Variants in EML5 observed in about 807,000 individuals in gnomAD.
The protein encoded by EML5 is echinoderm microtubule-associated protein-like 5.
EML5 carries 120 observed loss-of-function variants against 250.0 expected under a neutral mutation model. The ratio of observed to expected loss-of-function variants is 0.48; its 90% CI spans 0.41 to 0.56. EML5 has a LOEUF of 0.56. Ranked by LOEUF, EML5 falls within the 20% of genes least tolerant of loss-of-function variation. The pLI, the probability that EML5 is intolerant of heterozygous loss-of-function variation, is 0.00. For synonymous variants in EML5, 771 were observed against 806.5 expected, an observed-to-expected ratio of 0.96 and a Z score of 0.75; for missense variants, 2,006 against 2,437.6, an observed-to-expected ratio of 0.82 and a Z score of 3.73.
chr14:88,645,591 T>C (rs1372369526), intron 29 of EML5, among the ~76,000 whole-genome samples: 1 of 152,198 alleles, frequency 6.6e-6, no homozygotes, highest in Non-Finnish European at 1.5e-5. Flanking sequence ...CACATCCGAG[T>C]TCAAATTTGT....
intron 34 of EML5, chr14:88,627,282 T>C: frequency 1.8e-6 from 1 of 549,772 alleles, no homozygotes; most frequent in Non-Finnish European, 3.2e-6. Context: ...GTCTAAAGTG[T>C]GGTAGGTAAT....
intron 1 of EML5, among the ~76,000 whole-genome samples, chr14:88,770,097 C>T (rs987225923): frequency 2.6e-5 from 4 of 151,956 alleles, no homozygotes; most frequent in South Asian, 2.1e-4. Flanking sequence ...GTGAAACGGC[C>T]GCTGAAATTT....
intron 9 of EML5, 36 bp from the exon 10 acceptor site, chr14:88,712,519 T>C: frequency 6.5e-7 from 1 of 1,536,016 alleles, no homozygotes; most frequent in Non-Finnish European, 8.9e-7. Context: ...TAAAAAGTTA[T>C]TTCATTTGAT....
At chr14:88,731,566 C>T (rs996419537) in intron 7 of EML5, among the ~76,000 whole-genome samples, 1 of 152,018 alleles carries the variant, frequency 6.6e-6, no homozygotes, top group Non-Finnish European at 1.5e-5. Flanking sequence ...TGATTTATAA[C>T]CCTTTGGGTA....
At chr14:88,697,343 A>T (rs2093102360) in intron 14 of EML5, among the ~76,000 whole-genome samples, 1 of 152,310 alleles carries the variant, frequency 6.6e-6, no homozygotes, top group South Asian at 2.1e-4. Context: ...CTCTTAATAG[A>T]TGCTTAATGA....
chr14:88,739,069 A>G, intron 5 of EML5, 55 bp from the exon 6 acceptor site: 4 of 1,494,320 alleles, frequency 2.7e-6, no homozygotes, highest in Non-Finnish European at 3.6e-6. Context: ...AACATCTACT[A>G]TATGAAGGTA....
At position 88,731,989 on chromosome 14, in the gene EML5, C is replaced by T. The variant is rs375879247; in HGVS notation, c.1049+4375G>A. Among the ~76,000 whole-genome samples the T allele has an allele frequency of 3.3e-5, 5 of 152,216 alleles. No homozygotes were observed. In the East Asian group the frequency reaches 9.6e-4, roughly 29 times the overall value. ...AGCCCTTTGTCAGATGAGTAGAGTGCAAAAATTTTCTCCCATTCTGTAGGT... is the reference window on the plus strand; with the variant it reads ...AGCCCTTTGTCAGATGAGTAGAGTGTAAAAATTTTCTCCCATTCTGTAGGT... On this transcript the variant is annotated intron_variant, in intron 7 of 43. Coordinates refer to ENST00000554922, the MANE Select transcript of EML5 (RefSeq NM_183387.3).
intron 1 of EML5, among the ~76,000 whole-genome samples, chr14:88,759,839 T>C (rs924017811): frequency 6.6e-6 from 1 of 152,100 alleles, no homozygotes; most frequent in Non-Finnish European, 1.5e-5. Context: ...AACTGTCAGT[T>C]TTCCACAGTA....
chr14:88,693,472 C>T (rs920150083), intron 17 of EML5, among the ~76,000 whole-genome samples: 3 of 152,148 alleles, frequency 2.0e-5, no homozygotes, highest in African/African-American at 4.8e-5. Flanking sequence ...AACAGTATGG[C>T]GAACCGCCCC....
At chr14:88,764,531 T>C (rs762239142) in intron 1 of EML5, among the ~76,000 whole-genome samples, 10 of 152,190 alleles carry the variant, frequency 6.6e-5, no homozygotes, top group Non-Finnish European at 1.3e-4. Flanking sequence ...ATCAATCTGA[T>C]CCTTTTCAAA....
chr14:88,738,530 C>A (rs1301619023), intron 6 of EML5, among the ~76,000 whole-genome samples: 2 of 151,994 alleles, frequency 1.3e-5, no homozygotes, highest in Non-Finnish European at 2.9e-5. Flanking sequence ...TTACCCCCAA[C>A]TGTTTATTTA....
At chr14:88,647,042 T>G in intron 28 of EML5, 87 bp from the exon 29 acceptor site, 1 of 1,274,488 alleles carries the variant, frequency 7.8e-7, no homozygotes, top group South Asian at 1.3e-5. Context: ...TAATAAAATA[T>G]TTTAACAAGT....
chr14:88,681,866 C>T lies in EML5; in HGVS notation c.3124+24G>A, dbSNP rs754592669. 5.7e-6 allele frequency: 9 copies of T among 1,576,684 alleles called. No individual in the cohort carries two copies. The Admixed American group carries it at 7.8e-5, about 14-fold the overall frequency. ...TAGAAAACTGTGAGAGCTTAATCTA[C>T]GTTCAAGTGTGAGAGCCTCTTACCC... On this transcript the variant is annotated intron_variant, in intron 21 of 43. Transcript: ENST00000554922.
intron 1 of EML5, among the ~76,000 whole-genome samples, chr14:88,760,492 T>C (rs1019347725): frequency 2.0e-5 from 3 of 152,118 alleles, no homozygotes; most frequent in Admixed American, 6.6e-5. Context: ...TTTCCACAAA[T>C]TGCACCCTGT....
At chr14:88,778,651 C>T (rs1489124365) in intron 1 of EML5, among the ~76,000 whole-genome samples, 4 of 152,142 alleles carry the variant, frequency 2.6e-5, no homozygotes, top group South Asian at 2.1e-4. Context: ...ATGTGGCGCA[C>T]GCCTGTAGTC....
At chr14:88,729,557 G>T (rs988102750) in intron 7 of EML5, among the ~76,000 whole-genome samples, 2 of 149,434 alleles carry the variant, frequency 1.3e-5, no homozygotes, top group Admixed American at 6.6e-5. Context: ...ATACTTATTT[G>T]GTTTTTTGTT....
At chr14:88,616,552 C>T (rs892738620) in intron 42 of EML5, 174 bp downstream of exon 42, 7 of 662,652 alleles carry the variant, frequency 1.1e-5, no homozygotes, top group South Asian at 4.6e-5. Flanking sequence ...TGGTATTACT[C>T]GAGGGAGAGG....
Position 88,694,395 on chromosome 14 carries a change from A to C in EML5, c.2451T>G (p.Asp817Glu), listed in dbSNP as rs2093029376. ...EKLSIARGSKDKIFVVKMNPY... is the reference protein window; with the variant it reads ...EKLSIARGSKEKIFVVKMNPY... ...GGTTCATCTTTACAACAAAAATCTTATCTTTACTTCCTCTGAAATAAACAT... is the reference window on the plus strand; with the variant it reads ...GGTTCATCTTTACAACAAAAATCTTCTCTTTACTTCCTCTGAAATAAACAT... Residue 817 changes from aspartate (D) to glutamate (E), a missense_variant, in exon 17 of 44, where the codon GAT (aspartate) becomes GAG (glutamate). This residue lies in a region of EML5 where 1,375 missense variants were observed against 1,590.3 expected (regional missense o/e 0.86). Transcript: ENST00000554922. The C allele has an allele frequency of 1.9e-6, 3 of 1,575,524 alleles. No homozygotes were observed. In the East Asian group the frequency reaches 6.8e-5, roughly 36 times the overall value.
intron 28 of EML5, among the ~76,000 whole-genome samples, chr14:88,648,035 G>A (rs1005769483): frequency 6.6e-6 from 1 of 152,056 alleles, no homozygotes; most frequent in Non-Finnish European, 1.5e-5. Context: ...TTAGTCACTC[G>A]GGACTATGCT....
Sources: gnomAD v4.1 joint callset for allele counts (sites outside exome capture counted in the v4.1 genomes callset) on GRCh38, gnomAD v4.1.1 for gene constraint, gnomAD v4.1.1 regional missense constraint, MANE v1.5 for transcripts, NCBI Gene and HGNC (gene_info 2026-07-23, HGNC 2026-07-21) for gene names.